Variants in KMT2C observed in about 807,000 individuals in gnomAD.
KMT2C encodes lysine methyltransferase 2C.
Under a neutral mutation model 507.9 loss-of-function variants are expected in KMT2C, and 88 were observed. The observed-to-expected ratio is 0.17, with a 90% CI of 0.15 to 0.21. The LOEUF (loss-of-function observed/expected upper bound fraction) is 0.21. Ranked by LOEUF, KMT2C falls within the 10% of genes least tolerant of loss-of-function variation. KMT2C has a pLI of 1.00. For synonymous variants in KMT2C, 2,049 were observed against 2,080.8 expected (o/e 0.98, Z 0.42); for missense variants, 4,954 against 5,957.8 (o/e 0.83, Z 5.55).
rs559732967 is a variant in KMT2C, at chr7:152,307,713, A to G, written c.849+2253T>C. ...CATTTAATTATTAATCAGTAAGAAC[A>G]AAAATGGTAACTTCTGTCCAAAAGG... is the stretch of plus-strand genomic sequence containing the variant. On this transcript the variant is annotated intron_variant, in intron 6 of 58. Transcript: ENST00000262189. Among the ~76,000 whole-genome samples the G allele has an allele frequency of 2.6e-5, 4 of 152,328 alleles. No individual in the cohort carries two copies. In the East Asian group the frequency reaches 7.7e-4, roughly 29 times the overall value.
rs762321855 is a variant in KMT2C at position 152,162,452 on chromosome 7, T to A, written c.11125A>T (p.Met3709Leu). ...TCTTCTGTTTTGGCAGGGGTTTCCA[T>A]GGAGAGCTTGTCTACTTCTGAATTT... ...YANSEVDKLS[M>L]ETPAKTEEIK... The change falls in exon 43 of 59, where the codon ATG becomes TTG. Residue 3709 changes from methionine to leucine, a missense_variant. Met to Leu is a conservative substitution (Grantham distance 15, BLOSUM62 2). This residue lies in a region of KMT2C where 801 missense variants were observed against 751.2 expected (regional missense o/e 1.07). Transcript: ENST00000262189. 1 of 1,614,268 alleles carries A rather than the reference T, an allele frequency of 6.2e-7. No individual in the cohort carries two copies. The highest frequency in any genetic ancestry group is 1.1e-5 in the South Asian group (1 of 91,084).
At chr7:152,308,492 G>A (rs138805391) in intron 6 of KMT2C, among the ~76,000 whole-genome samples, 16 of 151,602 alleles carry the variant, frequency 1.1e-4, no homozygotes, top group African/African-American at 3.4e-4. Flanking sequence ...GCTGGCCAAC[G>A]TAGTGAAACC....
intron 15 of KMT2C, among the ~76,000 whole-genome samples, chr7:152,238,463 G>A (rs2095325652): frequency 6.6e-6 from 1 of 152,136 alleles, no homozygotes; most frequent in Non-Finnish European, 1.5e-5. Flanking sequence ...TACATGTCAA[G>A]GACTTCTCCC....
intron 36 of KMT2C, among the ~76,000 whole-genome samples, chr7:152,180,506 G>A (rs774045561): frequency 3.3e-5 from 5 of 152,200 alleles, no homozygotes; most frequent in Admixed American, 6.5e-5. Flanking sequence ...ATTCCCCTGC[G>A]AATTCGTGAA....
At chr7:152,351,177 A>C (rs1486972893) in intron 2 of KMT2C, among the ~76,000 whole-genome samples, 1 of 152,184 alleles carries the variant, frequency 6.6e-6, no homozygotes, top group African/African-American at 2.4e-5. Context: ...GCTTAAGAAA[A>C]GGGGTACACT....
chr7:152,397,505 C>CTG (rs2097544396), intron 1 of KMT2C, among the ~76,000 whole-genome samples: 1 of 152,182 alleles, frequency 6.6e-6, no homozygotes, highest in Admixed American at 6.5e-5. Context: ...GCTTGGGCTC[C>CTG]TGCTTGCCTC....
intron 18 of KMT2C, among the ~76,000 whole-genome samples, chr7:152,226,844 TAA>T (rs2094949248): frequency 6.6e-6 from 1 of 152,202 alleles, no homozygotes; most frequent in Non-Finnish European, 1.5e-5. Flanking sequence ...CATATTTCAA[TAA>T]AAGTTTATTT....
intron 2 of KMT2C, among the ~76,000 whole-genome samples, chr7:152,355,881 A>G (rs116401641): frequency 0.013 from 1,971 of 152,268 alleles, 48 homozygotes; most frequent in African/African-American, 0.045. Flanking sequence ...GGGATGTTGG[A>G]TCAAGAGAGG....
chr7:152,264,135 G>GA (rs780183035), intron 8 of KMT2C, among the ~76,000 whole-genome samples: 3 of 152,108 alleles, frequency 2.0e-5, no homozygotes, highest in Non-Finnish European at 4.4e-5. Flanking sequence ...ATAAGGTATC[G>GA]AATAAATGTT....
intron 25 of KMT2C, 76 bp downstream of exon 25, chr7:152,205,030 T>C (rs2094262470): frequency 2.3e-6 from 2 of 865,784 alleles, no homozygotes; most frequent in Admixed American, 2.7e-5. Context: ...TTATTTAGGA[T>C]AGTTTTTTCC....
At chr7:152,240,097 A>C (rs1356363286) in intron 14 of KMT2C, among the ~76,000 whole-genome samples, 1 of 152,036 alleles carries the variant, frequency 6.6e-6, no homozygotes, top group East Asian at 1.9e-4. Context: ...TTTTCCCTCC[A>C]GGATTACCGT....
chr7:152,381,944 A>G lies in KMT2C; in HGVS notation c.162-23269T>C, dbSNP rs147666179. Among the ~76,000 whole-genome samples the G allele has an allele frequency of 8.2e-3, 1,247 of 152,274 alleles. 15 individuals carry two copies. The highest frequency in any genetic ancestry group is 0.029 in the African/African-American group (1,196 of 41,540). ...TACTAACTGGTTTTTCTGAAGCTCA[A>G]TGTCCATGTCTCCTTCCCTCCCAAG... On this transcript the variant is annotated intron_variant, in intron 1 of 58. Transcript: ENST00000262189.
intron 9 of KMT2C, among the ~76,000 whole-genome samples, chr7:152,255,128 T>TATATATATATATATATATAC (rs2095632887): frequency 7.9e-6 from 1 of 127,372 alleles, no homozygotes; most frequent in Non-Finnish European, 1.7e-5. Flanking sequence ...TATATATATA[T>TATATATATATATATATATAC]ATATATATAT....
intron 6 of KMT2C, among the ~76,000 whole-genome samples, chr7:152,279,402 A>G (rs1193691123): frequency 2.0e-5 from 3 of 152,212 alleles, no homozygotes; most frequent in African/African-American, 4.8e-5. Flanking sequence ...AATTAAGCCA[A>G]TAAGAATCAA....
At chr7:152,219,391 AC>A (rs2094693504) in intron 23 of KMT2C, among the ~76,000 whole-genome samples, 2 of 152,194 alleles carry the variant, frequency 1.3e-5, no homozygotes, top group African/African-American at 2.4e-5. Flanking sequence ...AGAGAATTCT[AC>A]CTGCTTTGTA....
intron 6 of KMT2C, among the ~76,000 whole-genome samples, chr7:152,295,070 A>G (rs2129188468): frequency 6.6e-6 from 1 of 152,348 alleles, no homozygotes; most frequent in East Asian, 1.9e-4. Context: ...CTTGAAAAAA[A>G]AGACATCTGC....
At chr7:152,235,431 C>T (rs1391806726) in intron 16 of KMT2C, among the ~76,000 whole-genome samples, 3 of 151,600 alleles carry the variant, frequency 2.0e-5, no homozygotes, top group East Asian at 1.9e-4. Flanking sequence ...AATAAAATAG[C>T]GAAGTTATTA....
intron 1 of KMT2C, among the ~76,000 whole-genome samples, chr7:152,369,402 C>G (rs914396915): frequency 1.3e-5 from 2 of 151,090 alleles, no homozygotes; most frequent in Admixed American, 6.6e-5. Context: ...TTTAAAAACT[C>G]AAATCAAAAT....
At chr7:152,201,616 T>TGG (rs201322395) in intron 26 of KMT2C, among the ~76,000 whole-genome samples, 2 of 10,684 alleles carry the variant, frequency 1.9e-4, no homozygotes, top group African/African-American at 9.9e-4. Context: ...ACAACAAAGA[T>TGG]GAAAAAAAAA....
Sources: gnomAD v4.1 joint callset for allele counts (sites outside exome capture counted in the v4.1 genomes callset) on GRCh38, gnomAD v4.1.1 for gene constraint, gnomAD v4.1.1 regional missense constraint, MANE v1.5 for transcripts, NCBI Gene and HGNC (gene_info 2026-07-23, HGNC 2026-07-21) for gene names.